The following CAMKMT variants were observed in gnomAD, a reference collection of about 807,000 sequenced individuals.
CAMKMT encodes calmodulin-lysine N-methyltransferase.
In CAMKMT, 53 loss-of-function variants were observed where a neutral mutation model predicts 48.0. That is an observed-to-expected ratio of 1.10 (90% CI 0.89 to 1.39). The LOEUF (loss-of-function observed/expected upper bound fraction) is 1.39, where lower values mean the gene tolerates loss of function less well. Ranked by LOEUF, CAMKMT falls within the 40% of genes most tolerant of loss-of-function variation. The probability of loss-of-function intolerance (pLI) is 0.00; values close to 1 mark genes in which losing one functional copy is unlikely to be tolerated. For synonymous variants in CAMKMT, 165 were observed against 152.3 expected (o/e 1.08, Z -0.61); for missense variants, 428 against 402.7 (o/e 1.06, Z -0.54).
At chr2:44,623,730 ACAC>A (rs545412692) in intron 3 of CAMKMT, among the ~76,000 whole-genome samples, 1 of 152,198 alleles carries the variant, frequency 6.6e-6, no homozygotes, top group African/African-American at 2.4e-5. Context: ...ACCAGTGTAA[ACAC>A]CACTCCAATC....
intron 3 of CAMKMT, 128 bp from the exon 4 acceptor site, chr2:44,704,155 A>G (rs1204227873): frequency 3.0e-5 from 15 of 504,746 alleles, no homozygotes; most frequent in Admixed American, 1.5e-4. Context: ...GTGACATGAC[A>G]TATTATAAGT....
intron 7 of CAMKMT, among the ~76,000 whole-genome samples, chr2:44,733,514 C>T (rs1215988046): frequency 6.6e-6 from 1 of 152,052 alleles, no homozygotes. Context: ...TTTTCTTATG[C>T]CTGACGTTAG....
At chr2:44,615,431 T>C (rs150023857) in intron 3 of CAMKMT, among the ~76,000 whole-genome samples, 107 of 152,000 alleles carry the variant, frequency 7.0e-4, no homozygotes, top group Admixed American at 1.2e-3. Flanking sequence ...AGTAGACAGA[T>C]TGAGAGAGAT....
chr2:44,603,573 A>G (rs1671121743), intron 3 of CAMKMT, among the ~76,000 whole-genome samples: 1 of 152,114 alleles, frequency 6.6e-6, no homozygotes, highest in Non-Finnish European at 1.5e-5. Context: ...CAGCTGAGTG[A>G]TTTTTCTGCT....
At chr2:44,383,471 T>A (rs1680466024) in intron 2 of CAMKMT, among the ~76,000 whole-genome samples, 1 of 152,126 alleles carries the variant, frequency 6.6e-6, no homozygotes, top group Non-Finnish European at 1.5e-5. Flanking sequence ...CCCCTTTTTT[T>A]AATTTGTAAT....
At chr2:44,696,674 C>T (rs2104241299) in intron 3 of CAMKMT, among the ~76,000 whole-genome samples, 1 of 152,204 alleles carries the variant, frequency 6.6e-6, no homozygotes, top group East Asian at 1.9e-4. Context: ...CCCACACCCT[C>T]ACCCCACTCA....
At chr2:44,412,901 C>T (rs1329500269) in intron 3 of CAMKMT, among the ~76,000 whole-genome samples, 3 of 151,292 alleles carry the variant, frequency 2.0e-5, no homozygotes, top group Non-Finnish European at 4.4e-5. Context: ...CATGGTGAAA[C>T]CCCGTCTCCA....
intron 6 of CAMKMT, among the ~76,000 whole-genome samples, chr2:44,708,683 A>G (rs1169762876): frequency 6.6e-6 from 1 of 152,026 alleles, no homozygotes; most frequent in Non-Finnish European, 1.5e-5. Flanking sequence ...ATGTTTTTTC[A>G]TTCACTCTGC....
At chr2:44,708,863 C>G (rs1677715614) in intron 6 of CAMKMT, among the ~76,000 whole-genome samples, 1 of 151,886 alleles carries the variant, frequency 6.6e-6, no homozygotes, top group Non-Finnish European at 1.5e-5. Context: ...ATTATTTTAG[C>G]CACAGAAACT....
chr2:44,707,548 TG>T (rs1317490643), intron 6 of CAMKMT, 86 bp downstream of exon 6: 4 of 1,146,678 alleles, frequency 3.5e-6, no homozygotes, highest in Non-Finnish European at 5.1e-6. Context: ...AAAGACAGCA[TG>T]GGGTATTAAA....
intron 3 of CAMKMT, among the ~76,000 whole-genome samples, chr2:44,426,100 A>G (rs1490842967): frequency 3.3e-5 from 5 of 152,224 alleles, no homozygotes; most frequent in Non-Finnish European, 7.3e-5. Context: ...CATGAGAATC[A>G]TTTTACCAAG....
intron 3 of CAMKMT, among the ~76,000 whole-genome samples, chr2:44,557,005 C>A (rs1331089225): frequency 2.0e-5 from 3 of 152,178 alleles, no homozygotes; most frequent in African/African-American, 7.2e-5. Flanking sequence ...TGCTGGAATG[C>A]AACAGCATGC....
At chr2:44,444,958 C>G (rs371775543) in intron 3 of CAMKMT, among the ~76,000 whole-genome samples, 17 of 152,178 alleles carry the variant, frequency 1.1e-4, no homozygotes, top group African/African-American at 4.1e-4. Context: ...AATTCAATTC[C>G]AAGCTTTGGG....
intron 3 of CAMKMT, among the ~76,000 whole-genome samples, chr2:44,403,018 T>C (rs1013513016): frequency 6.6e-6 from 1 of 152,032 alleles, no homozygotes; most frequent in Non-Finnish European, 1.5e-5. Context: ...GTAGAGGCTT[T>C]CATTACATTT....
intron 7 of CAMKMT, among the ~76,000 whole-genome samples, chr2:44,731,875 A>C (rs537685620): frequency 1.8e-4 from 28 of 152,298 alleles, no homozygotes; most frequent in African/African-American, 6.7e-4. Context: ...TCCAGCTACA[A>C]AGCCCATGCA....
intron 9 of CAMKMT, among the ~76,000 whole-genome samples, chr2:44,756,568 C>T (rs1473243248): frequency 1.3e-5 from 2 of 151,826 alleles, no homozygotes; most frequent in Middle Eastern, 3.2e-3. Context: ...GGTGAAACCC[C>T]GTCTCTACTG....
intron 3 of CAMKMT, among the ~76,000 whole-genome samples, chr2:44,457,571 G>A (rs1334767716): frequency 6.6e-6 from 1 of 151,840 alleles, no homozygotes; most frequent in Admixed American, 6.6e-5. Flanking sequence ...GCTAATTTTT[G>A]TATTTTTAGT....
At chr2:44,614,377 T>C (rs957590432) in intron 3 of CAMKMT, among the ~76,000 whole-genome samples, 1 of 152,202 alleles carries the variant, frequency 6.6e-6, no homozygotes, top group Non-Finnish European at 1.5e-5. Context: ...ACAGTAATGA[T>C]ACTGTGACTG....
intron 3 of CAMKMT, among the ~76,000 whole-genome samples, chr2:44,645,948 G>A (rs1289196013): frequency 1.3e-5 from 2 of 152,196 alleles, no homozygotes; most frequent in Admixed American, 1.3e-4. Flanking sequence ...TTTGCTCAGT[G>A]TTGAACTATT....
Sources: gnomAD v4.1 joint callset for allele counts (sites outside exome capture counted in the v4.1 genomes callset) on GRCh38, gnomAD v4.1.1 for gene constraint, MANE v1.5 for transcripts, NCBI Gene and HGNC (gene_info 2026-07-23, HGNC 2026-07-21) for gene names.